The following CSMD1 variants were observed in gnomAD, a reference collection of about 807,000 sequenced individuals.
The protein encoded by CSMD1 is CUB and Sushi multiple domains 1, also known as CUB and sushi domain-containing protein 1.
In CSMD1, 213 loss-of-function variants were observed where a neutral mutation model predicts 417.5. The observed-to-expected ratio is 0.51, with a 90% CI of 0.46 to 0.57. The LOEUF is 0.57. CSMD1 is among the 20% of genes least tolerant of loss of function. CSMD1 has a pLI of 0.00. For synonymous variants in CSMD1, 2,862 were observed against 1,736.8 expected, an observed-to-expected ratio of 1.65 and a Z score of -16.11; for missense variants, 6,923 against 4,529.7, an observed-to-expected ratio of 1.53 and a Z score of -15.17.
At chr8:4,173,188 A>C (rs933264416) in intron 3 of CSMD1, among the ~76,000 whole-genome samples, 3 of 152,184 alleles carry the variant, frequency 2.0e-5, no homozygotes, top group Non-Finnish European at 4.4e-5. Context: ...AGGATGCTCA[A>C]TTAAAAGTGA....
At chr8:4,565,159 T>G (rs969863586) in intron 2 of CSMD1, among the ~76,000 whole-genome samples, 2 of 152,220 alleles carry the variant, frequency 1.3e-5, no homozygotes, top group Non-Finnish European at 2.9e-5. Context: ...CAGACTGATT[T>G]GACTTTCCAA....
intron 39 of CSMD1, among the ~76,000 whole-genome samples, chr8:3,154,535 C>A (rs968109048): frequency 6.6e-6 from 1 of 152,126 alleles, no homozygotes; most frequent in African/African-American, 2.4e-5. Flanking sequence ...TGTGTGAATT[C>A]TTGGTTTTGG....
At chr8:3,307,605 C>T (rs1200384383) in intron 25 of CSMD1, 90 bp downstream of exon 25, 16 of 1,379,014 alleles carry the variant, frequency 1.2e-5, no homozygotes, top group Admixed American at 2.2e-5. Flanking sequence ...AAACTTTAAC[C>T]ATGGATATTT....
chr8:4,985,861 T>C (rs1811152841), intron 1 of CSMD1, among the ~76,000 whole-genome samples: 1 of 152,150 alleles, frequency 6.6e-6, no homozygotes, highest in African/African-American at 2.4e-5. Context: ...CCACAGGAAT[T>C]CTATTTTATG....
At chr8:2,998,943 T>C (rs1264905135) in intron 53 of CSMD1, among the ~76,000 whole-genome samples, 1 of 152,200 alleles carries the variant, frequency 6.6e-6, no homozygotes, top group East Asian at 1.9e-4. Flanking sequence ...TTACAGATAA[T>C]CTTTGTCACT....
At chr8:4,618,133 T>G (rs1563339056) in intron 2 of CSMD1, among the ~76,000 whole-genome samples, 1 of 152,080 alleles carries the variant, frequency 6.6e-6, no homozygotes, top group African/African-American at 2.4e-5. Context: ...GTTTCTGTCC[T>G]TCAAGAAAAC....
intron 1 of CSMD1, among the ~76,000 whole-genome samples, chr8:4,753,409 AC>A (rs1811470145): frequency 7.0e-5 from 1 of 14,194 alleles, no homozygotes; most frequent in Non-Finnish European, 1.7e-4. Flanking sequence ...TAAACCACAC[AC>A]ACACACACAC....
At chr8:4,793,868 A>G (rs1466023714) in intron 1 of CSMD1, among the ~76,000 whole-genome samples, 5 of 151,826 alleles carry the variant, frequency 3.3e-5, no homozygotes, top group Non-Finnish European at 7.4e-5. Flanking sequence ...TCTGATTAAA[A>G]GTTTGTTAAT....
intron 5 of CSMD1, among the ~76,000 whole-genome samples, chr8:3,974,464 T>G (rs565426506): frequency 3.2e-4 from 48 of 152,178 alleles, no homozygotes; most frequent in African/African-American, 1.1e-3. Context: ...ATATGGCTAC[T>G]TATTAAAATG....
At chr8:4,818,247 T>C (rs1300341842) in intron 1 of CSMD1, among the ~76,000 whole-genome samples, 1 of 152,152 alleles carries the variant, frequency 6.6e-6, no homozygotes, top group African/African-American at 2.4e-5. Flanking sequence ...AAATCATTCT[T>C]TGTAACGATT....
chr8:4,317,349 A>T lies in CSMD1; in HGVS notation c.415+102604T>A, dbSNP rs1476965787. On this transcript the variant is annotated intron_variant, in intron 3 of 69. Transcript: ENST00000635120. ...TGGGGTGCAGTGAAATTAGACTCCC[A>T]CGTCTGTGTTATAAGCTGTGGCTCT... 2.6e-5 allele frequency among the ~76,000 whole-genome samples: 4 copies of T among 152,168 alleles called. No homozygotes were observed. The East Asian group carries it at 7.7e-4, about 29-fold the overall frequency.
Position 3,993,764 on chromosome 8 carries a change from C to T in CSMD1, c.818+4139G>A, listed in dbSNP as rs1270618090. On this transcript the variant is annotated intron_variant, in intron 5 of 69. Coordinates refer to ENST00000635120, the MANE Select transcript of CSMD1 (RefSeq NM_033225.6). Reference sequence around the variant, plus strand: ...AGAAATGTTCTTGCATTTATTATGGCTGATGTTTTCCAGGGAGGGAGATCA... The same window carrying T: ...AGAAATGTTCTTGCATTTATTATGGTTGATGTTTTCCAGGGAGGGAGATCA... Among the ~76,000 whole-genome samples, 4 of 152,296 alleles carry T rather than the reference C, an allele frequency of 2.6e-5. No homozygotes were observed. The South Asian group carries it at 8.3e-4, about 32-fold the overall frequency.
chr8:3,893,412 C>A (rs1769349352), intron 5 of CSMD1, among the ~76,000 whole-genome samples: 1 of 138,976 alleles, frequency 7.2e-6, no homozygotes, highest in African/African-American at 2.6e-5. Context: ...TGAAGCTTAA[C>A]AAAATCTGGA....
intron 3 of CSMD1, among the ~76,000 whole-genome samples, chr8:4,084,510 G>A (rs1444917124): frequency 1.3e-5 from 2 of 152,012 alleles, no homozygotes; most frequent in African/African-American, 4.8e-5. Flanking sequence ...TTTTAATCCT[G>A]TTTTTATTTT....
At chr8:4,849,806 T>C (rs574325123) in intron 1 of CSMD1, among the ~76,000 whole-genome samples, 7 of 152,170 alleles carry the variant, frequency 4.6e-5, no homozygotes, top group African/African-American at 9.7e-5. Context: ...ATTGATGAAA[T>C]TGCCTAACAA....
At chr8:4,228,822 T>C (rs1238300987) in intron 3 of CSMD1, among the ~76,000 whole-genome samples, 1 of 152,040 alleles carries the variant, frequency 6.6e-6, no homozygotes, top group African/African-American at 2.4e-5. Flanking sequence ...TAGCTGGGAC[T>C]TCATGTGCAC....
At chr8:3,039,375 T>TCTTC (rs927310806) in intron 50 of CSMD1, among the ~76,000 whole-genome samples, 1 of 131,996 alleles carries the variant, frequency 7.6e-6, no homozygotes, top group Non-Finnish European at 1.5e-5. Context: ...TACTTTCCTT[T>TCTTC]CTTCCTTCCT....
At chr8:4,189,772 G>C (rs950049738) in intron 3 of CSMD1, among the ~76,000 whole-genome samples, 1 of 151,988 alleles carries the variant, frequency 6.6e-6, no homozygotes. Flanking sequence ...GATTAAACAG[G>C]CACACAAAGG....
chr8:3,136,037 G>A (rs1208460368), intron 41 of CSMD1, among the ~76,000 whole-genome samples: 1 of 152,194 alleles, frequency 6.6e-6, no homozygotes, highest in East Asian at 1.9e-4. Flanking sequence ...GTTTCATTCA[G>A]ATTTCTATCA....
Sources: allele counts gnomAD v4.1 joint callset (sites outside exome capture counted in the v4.1 genomes callset), GRCh38; gene constraint gnomAD v4.1.1; transcripts MANE v1.5; gene names NCBI Gene and HGNC (gene_info 2026-07-23, HGNC 2026-07-21).